NPNT: variants seen among roughly 807,000 people sequenced by gnomAD.
NPNT encodes the protein preosteoblast EGF-like repeat protein with MAM domain.
NPNT carries 45 observed loss-of-function variants against 68.6 expected under a neutral mutation model. The observed-to-expected ratio is 0.66, with a 90% CI of 0.52 to 0.84. The LOEUF is 0.84. Ranked by LOEUF, NPNT falls within the 40% of genes least tolerant of loss-of-function variation. NPNT has a pLI of 0.00. For synonymous variants in NPNT, 233 were observed against 253.3 expected (o/e 0.92, Z 0.76); for missense variants, 672 against 714.8 (o/e 0.94, Z 0.68).
intron 2 of NPNT, among the ~76,000 whole-genome samples, chr4:105,904,768 C>T (rs764228872): frequency 8.6e-5 from 13 of 151,970 alleles, no homozygotes; most frequent in Admixed American, 2.6e-4. Flanking sequence ...CTGCAACCTC[C>T]GCCTCCTGGG....
At chr4:105,957,341 C>T (rs1731313122) in intron 8 of NPNT, among the ~76,000 whole-genome samples, 8 of 152,142 alleles carry the variant, frequency 5.3e-5, no homozygotes. Context: ...CCCCGTTCAC[C>T]CTGTCTCCTT....
rs1346451461 is a variant in NPNT at position 105,969,882 on chromosome 4, CAAG to C, written c.*895_*897del. ...AAAGGATAGGAAACCTTTAGGAAGA[CAAG>C]AAACTGCAGTTAATTTAGAACTGTC... On this transcript the variant is annotated 3_prime_UTR_variant, in exon 12 of 12. Transcript: ENST00000379987. 6.5e-6 allele frequency: 1 copy of C among 153,366 alleles called. No individual in the cohort carries two copies. The highest frequency in any genetic ancestry group is 1.4e-5 in the Non-Finnish European group (1 of 69,056). The allele number at this position is 153,366 out of a possible 1,614,324, so 9.5% of individuals were successfully genotyped here.
At chr4:105,908,414 CT>C (rs1291861669) in intron 2 of NPNT, among the ~76,000 whole-genome samples, 2 of 152,098 alleles carry the variant, frequency 1.3e-5, no homozygotes, top group African/African-American at 4.8e-5. Flanking sequence ...TTAGGGTTGC[CT>C]TTTGTAGATG....
intron 1 of NPNT, 32 bp from the exon 2 acceptor site, chr4:105,897,869 C>G: frequency 6.6e-7 from 1 of 1,521,262 alleles, no homozygotes; most frequent in Non-Finnish European, 9.1e-7. Context: ...TCAAAAGTGT[C>G]CTTATTTATT....
chr4:105,914,393 AATAAT>A (rs1281836870), intron 2 of NPNT, among the ~76,000 whole-genome samples: 34 of 140,136 alleles, frequency 2.4e-4, no homozygotes, highest in South Asian at 6.6e-4. Context: ...AATATATAAA[AATAAT>A]ATAATATATA....
Position 105,969,215 on chromosome 4 carries a change from A to G in NPNT, c.*225A>G. On this transcript the variant is annotated 3_prime_UTR_variant, in exon 12 of 12. Transcript: ENST00000379987. ...GGGGCATCGCAGACACATCAAAGCCATCTGTGGGTGTTGCCTTCCATCCTG... is the reference window on the plus strand; with the variant it reads ...GGGGCATCGCAGACACATCAAAGCCGTCTGTGGGTGTTGCCTTCCATCCTG... 5.2e-6 allele frequency: 2 copies of G among 383,680 alleles called. No homozygotes were observed. Among genetic ancestry groups the G allele is most frequent in the Non-Finnish European group, 9.4e-6 (2 of 212,608 alleles). 23.8% of individuals were successfully genotyped at this position (383,680 alleles called of 1,614,324 possible). A position where few individuals can be genotyped will look rare whatever the true frequency, so the allele number is the denominator to read the frequency against.
intron 8 of NPNT, among the ~76,000 whole-genome samples, chr4:105,952,436 A>T (rs938409843): frequency 6.6e-6 from 1 of 152,208 alleles, no homozygotes; most frequent in Non-Finnish European, 1.5e-5. Flanking sequence ...TTACTGTGAA[A>T]ATAATGACAA....
At chr4:105,925,869 C>T (rs1382346586) in intron 2 of NPNT, among the ~76,000 whole-genome samples, 1 of 152,154 alleles carries the variant, frequency 6.6e-6, no homozygotes, top group African/African-American at 2.4e-5. Flanking sequence ...ATTCCCAGAG[C>T]TTTGATTTTT....
intron 2 of NPNT, among the ~76,000 whole-genome samples, chr4:105,898,751 A>G (rs1249935230): frequency 1.3e-5 from 2 of 152,228 alleles, no homozygotes; most frequent in Non-Finnish European, 2.9e-5. Flanking sequence ...TTAGAGCTAC[A>G]TCAAAAGAGT....
chr4:105,951,935 C>A (rs975921044), intron 8 of NPNT, among the ~76,000 whole-genome samples: 19 of 152,122 alleles, frequency 1.2e-4, no homozygotes, highest in African/African-American at 4.6e-4. Flanking sequence ...TTTTCCTGTG[C>A]CTTTGTTTTC....
Position 105,956,562 on chromosome 4 carries a change from G to A in NPNT, c.1160-1909G>A, listed in dbSNP as rs142699220. Among the ~76,000 whole-genome samples, 671 of 152,224 alleles carry A rather than the reference G, an allele frequency of 4.4e-3. 5 individuals are homozygous for A. The highest frequency in any genetic ancestry group is 0.016 in the African/African-American group (648 of 41,536). ...AGAGTTGAGCCTATTCCATTTTGGA[G>A]ATGATTTATATAAGTTACAACAAAA... On this transcript the variant is annotated intron_variant, in intron 8 of 11. Transcript: ENST00000379987.
At position 105,970,547 on chromosome 4, in the gene NPNT, C is replaced by T. The variant is rs1459276413; in HGVS notation, c.*1557C>T. The T allele has an allele frequency of 1.5e-6, 1 of 681,424 alleles. No individual in the cohort carries two copies. Among genetic ancestry groups the T allele is most frequent in the East Asian group, 2.8e-5 (1 of 36,316 alleles). 42.2% of individuals were successfully genotyped at this position (681,424 alleles called of 1,614,324 possible). ...AGAGAGGGTGGCGACCAGCTGTTCTCCATATGCACTAAGAATAGAACAAGA... is the reference window on the plus strand; with the variant it reads ...AGAGAGGGTGGCGACCAGCTGTTCTTCATATGCACTAAGAATAGAACAAGA... On this transcript the variant is annotated 3_prime_UTR_variant, in exon 12 of 12. Transcript: ENST00000379987.
At chr4:105,936,641 C>A (rs1313450142) in intron 3 of NPNT, among the ~76,000 whole-genome samples, 4 of 152,190 alleles carry the variant, frequency 2.6e-5, no homozygotes, top group African/African-American at 4.8e-5. Flanking sequence ...TTGGATCTAG[C>A]AATAGAACCC....
chr4:105,960,262 G>C (rs1290848112), intron 10 of NPNT, among the ~76,000 whole-genome samples: 1 of 152,134 alleles, frequency 6.6e-6, no homozygotes, highest in East Asian at 1.9e-4. Flanking sequence ...TAAAAGCCTA[G>C]TTCTTGAATA....
chr4:105,964,959 A>T (rs914798212), intron 10 of NPNT, among the ~76,000 whole-genome samples: 22 of 152,176 alleles, frequency 1.4e-4, no homozygotes, highest in Non-Finnish European at 2.1e-4. Context: ...TCCTTTTTTT[A>T]AAAAAAGTTC....
intron 1 of NPNT, among the ~76,000 whole-genome samples, chr4:105,896,639 G>C (rs548238837): frequency 1.3e-5 from 2 of 152,048 alleles, no homozygotes; most frequent in South Asian, 4.2e-4. Context: ...CTCCGTGTAG[G>C]TCCCTGCCTA....
chr4:105,909,945 C>A (rs1727226588), intron 2 of NPNT, among the ~76,000 whole-genome samples: 1 of 152,152 alleles, frequency 6.6e-6, no homozygotes, highest in South Asian at 2.1e-4. Flanking sequence ...CATCAGCAGT[C>A]TTAGCCTGTA....
At chr4:105,943,185 A>G (rs1730124437) in intron 8 of NPNT, among the ~76,000 whole-genome samples, 1 of 152,246 alleles carries the variant, frequency 6.6e-6, no homozygotes, top group African/African-American at 2.4e-5. Context: ...TACCAGTGGT[A>G]GTATGTTAGT....
At chr4:105,931,686 A>G (rs959581483) in intron 3 of NPNT, among the ~76,000 whole-genome samples, 4 of 151,534 alleles carry the variant, frequency 2.6e-5, no homozygotes, top group Non-Finnish European at 5.9e-5. Flanking sequence ...AAAAAAAAAA[A>G]AAAATTAGCC....
Sources: gnomAD v4.1 joint callset for allele counts (sites outside exome capture counted in the v4.1 genomes callset) on GRCh38, gnomAD v4.1.1 for gene constraint, MANE v1.5 for transcripts, NCBI Gene and HGNC (gene_info 2026-07-23, HGNC 2026-07-21) for gene names.